Variants in STK3 observed in about 807,000 individuals in gnomAD.
STK3 encodes serine/threonine kinase 3, also known as serine/threonine-protein kinase 3.
STK3 carries 41 observed loss-of-function variants against 58.0 expected under a neutral mutation model. The observed-to-expected ratio is 0.71, with a 90% CI of 0.55 to 0.92. The LOEUF is 0.92. Among genes scored for constraint, STK3 ranks in the 40% least tolerant of loss-of-function variants. The probability of loss-of-function intolerance (pLI) is 0.00; values close to 1 mark genes in which losing one functional copy is unlikely to be tolerated. For synonymous variants in STK3, 170 were observed against 191.0 expected, an observed-to-expected ratio of 0.89 and a Z score of 0.91; for missense variants, 479 against 602.7, an observed-to-expected ratio of 0.79 and a Z score of 2.15.
intron 7 of STK3, among the ~76,000 whole-genome samples, chr8:98,583,914 G>A (rs1041022708): frequency 5.9e-5 from 9 of 151,756 alleles, no homozygotes; most frequent in African/African-American, 2.2e-4. Context: ...AGGTAACTTA[G>A]AGATTAATAA....
Position 98,375,292 on chromosome 8 carries a change from A to C in STK3, n.112-3614T>G, listed in dbSNP as rs111647779. Among the ~76,000 whole-genome samples the C allele has an allele frequency of 6.3e-3, 948 of 150,966 alleles. 11 individuals carry two copies. Among genetic ancestry groups the C allele is most frequent in the African/African-American group, 0.022 (888 of 41,026 alleles). On this transcript the variant is annotated intron_variant and non_coding_transcript_variant, in intron 2 of 2. Coordinates refer to the STK3 transcript ENST00000518704. ...AAAACAAAAAAAAACAAAAAAAAAA[A>C]CCTATTATACTTAGCTAGTGCAATA... is the stretch of plus-strand genomic sequence containing the variant.
downstream of STK3, chr8:98,879,924 C>T (rs1837731586): frequency 6.6e-6 from 1 of 152,136 alleles, no homozygotes; most frequent in Admixed American, 6.5e-5. Flanking sequence ...AAGAAAATCA[C>T]TTGAATTTGC....
chr8:98,579,648 G>A lies in STK3; in HGVS notation c.948+16C>T. On this transcript the variant is annotated intron_variant, in intron 8 of 10. Coordinates refer to ENST00000419617, the MANE Select transcript of STK3 (RefSeq NM_006281.4). ...CTCAGAAGAAAAAAATCAACTTTTT[G>A]AAGATAATTACAAACCGAATTTTCT... The A allele has an allele frequency of 6.3e-7, 1 of 1,597,396 alleles. No homozygotes were observed. The highest frequency in any genetic ancestry group is 8.5e-7 in the Non-Finnish European group (1 of 1,176,406).
Position 98,707,910 on chromosome 8 carries a change from G to A in STK3, c.352-599C>T, listed in dbSNP as rs949882560. 1.3e-4 allele frequency among the ~76,000 whole-genome samples: 20 copies of A among 152,008 alleles called. No individual in the cohort carries two copies. The Middle Eastern group carries it at 0.014, about 103-fold the overall frequency. ...TCCCAGCACTTTGGGAGGCTGAGGC[G>A]AGCAGATCACTTGAGGTCAGGAGTT... On this transcript the variant is annotated intron_variant, in intron 4 of 10. Coordinates refer to ENST00000419617, the MANE Select transcript of STK3 (RefSeq NM_006281.4).
At chr8:98,785,301 C>T (rs185807888) in intron 1 of STK3, among the ~76,000 whole-genome samples, 1 of 152,286 alleles carries the variant, frequency 6.6e-6, no homozygotes, top group Non-Finnish European at 1.5e-5. Flanking sequence ...GGCAGGGGGA[C>T]CCTTTCCACT....
chr8:98,525,964 G>A (rs930539853), intron 10 of STK3, among the ~76,000 whole-genome samples: 1 of 151,242 alleles, frequency 6.6e-6, no homozygotes, highest in South Asian at 2.1e-4. Context: ...AACTATAAAG[G>A]ATTATAAAGT....
chr8:98,916,913 G>A (rs897924420), intron 1 of STK3, among the ~76,000 whole-genome samples: 1 of 152,176 alleles, frequency 6.6e-6, no homozygotes, highest in Non-Finnish European at 1.5e-5. Context: ...CCTTTTTGAT[G>A]GGGATTTGGG....
At chr8:98,881,375 G>A (rs1403226052), downstream of STK3, 1 of 152,256 alleles carries the variant, frequency 6.6e-6, no homozygotes, top group African/African-American at 2.4e-5. Context: ...GTGGGGGAGA[G>A]ATGGATGAAC....
At chr8:98,489,459 T>G (rs985606789) in intron 10 of STK3, among the ~76,000 whole-genome samples, 2 of 152,212 alleles carry the variant, frequency 1.3e-5, no homozygotes, top group Admixed American at 6.5e-5. Context: ...TTTGTTGTTG[T>G]GCAGTAACTT....
At chr8:98,513,701 A>G (rs1318323868) in intron 10 of STK3, among the ~76,000 whole-genome samples, 1 of 152,102 alleles carries the variant, frequency 6.6e-6, no homozygotes, top group Non-Finnish European at 1.5e-5. Context: ...AGAAGTGGAG[A>G]GTACCTCTCA....
At chr8:98,419,585 G>T (rs1283977837) in intron 3 of STK3, among the ~76,000 whole-genome samples, 1 of 152,152 alleles carries the variant, frequency 6.6e-6, no homozygotes, top group Admixed American at 6.5e-5. Flanking sequence ...TGGGCATCCT[G>T]GGCTGCATCC....
At chr8:98,650,636 T>C (rs188310446) in intron 6 of STK3, among the ~76,000 whole-genome samples, 3 of 152,222 alleles carry the variant, frequency 2.0e-5, no homozygotes, top group Non-Finnish European at 4.4e-5. Flanking sequence ...ACTCCCACCC[T>C]AATACTGTGC....
chr8:98,838,962 CTTTG>C (rs1314043755), intron 3 of STK3, among the ~76,000 whole-genome samples: 1 of 148,736 alleles, frequency 6.7e-6, no homozygotes, highest in East Asian at 2.0e-4. Context: ...TAACCTTCTT[CTTTG>C]TTTTTGTTTT....
chr8:98,621,437 G>A (rs150133217), intron 6 of STK3, among the ~76,000 whole-genome samples: 10 of 152,128 alleles, frequency 6.6e-5, no homozygotes, highest in African/African-American at 2.2e-4. Flanking sequence ...TCCCAGTACT[G>A]TGCTGAATGA....
chr8:98,533,640 G>A (rs1383894775), intron 9 of STK3, among the ~76,000 whole-genome samples: 10 of 151,964 alleles, frequency 6.6e-5, no homozygotes, highest in African/African-American at 2.2e-4. Flanking sequence ...GGCATGCACC[G>A]CCACACTCGG....
chr8:98,689,634 T>A (rs1174718967), intron 6 of STK3, among the ~76,000 whole-genome samples: 2 of 152,058 alleles, frequency 1.3e-5, no homozygotes, highest in Non-Finnish European at 2.9e-5. Flanking sequence ...AATTTTTTAA[T>A]TAGCCAGGTA....
intron 6 of STK3, among the ~76,000 whole-genome samples, chr8:98,685,519 TG>T (rs771778791): frequency 1.1e-3 from 168 of 152,214 alleles, no homozygotes; most frequent in Middle Eastern, 3.4e-3. Context: ...AAACTGTCAC[TG>T]TAATAAACCT....
rs145088029 is a variant in STK3, at chr8:98,543,111, C to T, written c.1141+4858G>A. On this transcript the variant is annotated intron_variant, in intron 9 of 10. Coordinates refer to ENST00000419617, the MANE Select transcript of STK3 (RefSeq NM_006281.4). ...CCTAACCTGGGGTTGATAGAGGAAG[C>T]AACCTCTTAACTGAGCCTGAGTGAA... Among the ~76,000 whole-genome samples, 1,337 of 152,270 alleles carry T rather than the reference C, an allele frequency of 8.8e-3. 8 individuals are homozygous for T. The highest frequency in any genetic ancestry group is 0.016 in the Non-Finnish European group (1,059 of 68,020).
At chr8:98,681,957 C>G (rs1357724251) in intron 6 of STK3, among the ~76,000 whole-genome samples, 1 of 152,232 alleles carries the variant, frequency 6.6e-6, no homozygotes, top group Non-Finnish European at 1.5e-5. Flanking sequence ...TGCCAACGGG[C>G]CTACAGCAAA....
Sources: gnomAD v4.1 joint callset for allele counts (sites outside exome capture counted in the v4.1 genomes callset) on GRCh38, gnomAD v4.1.1 for gene constraint, MANE v1.5 for transcripts, NCBI Gene and HGNC (gene_info 2026-07-23, HGNC 2026-07-21) for gene names.